MAU2: variants seen among roughly 807,000 people sequenced by gnomAD.
MAU2 encodes the protein MAU2 chromatid cohesion factor homolog.
MAU2 carries 9 observed loss-of-function variants against 89.1 expected under a neutral mutation model. That is an observed-to-expected ratio of 0.10 (90% CI 0.06 to 0.18). The LOEUF is 0.18. Ranked by LOEUF, MAU2 falls within the 10% of genes least tolerant of loss-of-function variation. The probability of loss-of-function intolerance (pLI) is 1.00; values close to 1 mark genes in which losing one functional copy is unlikely to be tolerated. For synonymous variants in MAU2, 357 were observed against 343.4 expected, an observed-to-expected ratio of 1.04 and a Z score of -0.44; for missense variants, 425 against 803.5, an observed-to-expected ratio of 0.53 and a Z score of 5.69.
chr19:19,325,310 G>T (rs1437801856), intron 1 of MAU2, among the ~76,000 whole-genome samples: 1 of 151,916 alleles, frequency 6.6e-6, no homozygotes, highest in Non-Finnish European at 1.5e-5. Context: ...CAAGCAGCTG[G>T]GATTACAGGC....
rs1279513106 is a variant in MAU2, at chr19:19,342,697, G to T, written c.882+16G>T. ...TGTCTACCTGGTGCGTCCCCACCAGGGCCCGGGCCAGGGCTGGGGGCGGGG... is the reference window on the plus strand; with the variant it reads ...TGTCTACCTGGTGCGTCCCCACCAGTGCCCGGGCCAGGGCTGGGGGCGGGG... On this transcript the variant is annotated intron_variant, in intron 8 of 18. Transcript: ENST00000262815. 6.2e-7 allele frequency: 1 copy of T among 1,612,020 alleles called. No homozygotes were observed. The highest frequency in any genetic ancestry group is 2.2e-5 in the East Asian group (1 of 44,768).
At position 19,345,059 on chromosome 19, in the gene MAU2, A is replaced by G; in HGVS notation, c.1155+133A>G. 1.2e-6 allele frequency: 1 copy of G among 847,516 alleles called. No homozygotes were observed. Among genetic ancestry groups the G allele is most frequent in the Non-Finnish European group, 1.9e-6 (1 of 525,976 alleles). The allele number at this position is 847,516 out of a possible 1,614,324, so 52.5% of individuals were successfully genotyped here. On this transcript the variant is annotated intron_variant, in intron 11 of 18. Coordinates refer to ENST00000262815, the MANE Select transcript of MAU2 (RefSeq NM_015329.4). This position sits in a 1 kb window ranked among gnomAD's most constrained non-coding sequence, Gnocchi z 4.9. Reference sequence around the variant, plus strand: ...TAATCAGAATCCGGAATGTTCCCATAGGTAATCATATAACCTTCCCAGGCA... The same window carrying G: ...TAATCAGAATCCGGAATGTTCCCATGGGTAATCATATAACCTTCCCAGGCA...
chr19:19,332,402 G>T (rs1030954362), intron 1 of MAU2, among the ~76,000 whole-genome samples: 1 of 150,892 alleles, frequency 6.6e-6, no homozygotes, highest in African/African-American at 2.4e-5. Flanking sequence ...ACAAAAAGAG[G>T]GGCTTTATCT....
In MAU2 at chr19:19,338,943, G is replaced by C. The variant is rs1466279144; in HGVS notation, c.551+4G>C. On this transcript the variant is annotated splice_donor_region_variant and intron_variant, in intron 5 of 18. Transcript: ENST00000262815. The stretch of plus-strand genomic sequence containing the variant: ...TGGTGGGATCTGAATACACACGGTA[G>C]GCACCCACTCCCCTCCTTCCCTCCT... The C allele has an allele frequency of 6.2e-7, 1 of 1,609,776 alleles. No individual in the cohort carries two copies. Among genetic ancestry groups the C allele is most frequent in the East Asian group, 2.2e-5 (1 of 44,798 alleles).
chr19:19,355,128 G>C, intron 17 of MAU2, 136 bp from the exon 18 acceptor site: 2 of 1,138,344 alleles, frequency 1.8e-6, no homozygotes, highest in Non-Finnish European at 2.5e-6. Flanking sequence ...CAGGGCTCAG[G>C]TCCAGTGACG....
chr19:19,338,733 C>A, intron 4 of MAU2, 112 bp from the exon 5 acceptor site: 1 of 699,962 alleles, frequency 1.4e-6, no homozygotes, highest in South Asian at 1.9e-5. Context: ...CTGACACAGG[C>A]AGTTTCACTG....
At chr19:19,333,630 C>A (rs139406155) in intron 1 of MAU2, among the ~76,000 whole-genome samples, 32 of 152,362 alleles carry the variant, frequency 2.1e-4, no homozygotes, top group African/African-American at 7.5e-4. Context: ...GAAGTCTACC[C>A]GCCACAGACA....
chr19:19,344,764 A>G, intron 10 of MAU2, 85 bp from the exon 11 acceptor site: 1 of 1,130,520 alleles, frequency 8.8e-7, no homozygotes, highest in Non-Finnish European at 1.3e-6. Flanking sequence ...GGGCTCACCC[A>G]CCAGCTATGG....
intron 1 of MAU2, among the ~76,000 whole-genome samples, chr19:19,334,984 G>C (rs78544258): frequency 8.1e-4 from 124 of 152,228 alleles, no homozygotes; most frequent in Non-Finnish European, 1.4e-3. Flanking sequence ...TGGGGACAGC[G>C]TTAGGCTTGT....
At chr19:19,338,240 C>T (rs758438157) in intron 4 of MAU2, among the ~76,000 whole-genome samples, 3 of 152,260 alleles carry the variant, frequency 2.0e-5, no homozygotes, top group Admixed American at 6.5e-5. Context: ...CTGTGTCCTT[C>T]CATCTCCCCA....
At chr19:19,330,772 G>T (rs1163847752) in intron 1 of MAU2, among the ~76,000 whole-genome samples, 1 of 151,868 alleles carries the variant, frequency 6.6e-6, no homozygotes, top group Non-Finnish European at 1.5e-5. Context: ...CTGGTGAGAT[G>T]CACCTGTAGT....
At chr19:19,340,966 A>G in intron 6 of MAU2, 93 bp downstream of exon 6, 1 of 1,539,480 alleles carries the variant, frequency 6.5e-7, no homozygotes, top group African/African-American at 1.4e-5. Context: ...CCCACTCTCC[A>G]TGGCATGGCC....
chr19:19,346,704 G>A (rs1253345801), intron 12 of MAU2, among the ~76,000 whole-genome samples: 1 of 152,186 alleles, frequency 6.6e-6, no homozygotes, highest in East Asian at 1.9e-4. Flanking sequence ...ACATAGATTG[G>A]ACCCTCTCTT....
chr19:19,341,874 C>G (rs998744483), intron 7 of MAU2, among the ~76,000 whole-genome samples: 3 of 152,140 alleles, frequency 2.0e-5, no homozygotes, highest in Non-Finnish European at 2.9e-5. Context: ...TGTTTGAGCT[C>G]CTTGTCTCTG....
chr19:19,335,495 C>G (rs1055868124), intron 1 of MAU2, among the ~76,000 whole-genome samples: 1 of 152,132 alleles, frequency 6.6e-6, no homozygotes, highest in African/African-American at 2.4e-5. Flanking sequence ...AAGGGCATGT[C>G]CCCTCCTGCC....
chr19:19,333,485 C>CA (rs1452616582), intron 1 of MAU2, among the ~76,000 whole-genome samples: 2 of 151,660 alleles, frequency 1.3e-5, no homozygotes, highest in African/African-American at 4.8e-5. Context: ...GACTGTGTCT[C>CA]AAAAAAAAGG....
chr19:19,340,775 TG>T, intron 5 of MAU2, 70 bp from the exon 6 acceptor site: 1 of 1,564,438 alleles, frequency 6.4e-7, no homozygotes, highest in Non-Finnish European at 8.7e-7. Context: ...CTGTGAGCCT[TG>T]GGGTAATCAC....
At chr19:19,337,356 C>T (rs1336408536) in intron 4 of MAU2, 91 bp downstream of exon 4, 10 of 1,001,848 alleles carry the variant, frequency 1.0e-5, no homozygotes, top group Middle Eastern at 2.9e-4. Flanking sequence ...GCAGAGTCCA[C>T]GATGCGCAGA....
intron 9 of MAU2, 64 bp from the exon 10 acceptor site, chr19:19,343,773 G>A: frequency 1.6e-6 from 2 of 1,265,050 alleles, no homozygotes; most frequent in South Asian, 1.2e-5. Context: ...TGGGGGCACG[G>A]TGGGCTGGGG....
Sources: allele counts gnomAD v4.1 joint callset (sites outside exome capture counted in the v4.1 genomes callset), GRCh38; gene constraint gnomAD v4.1.1; non-coding constraint Gnocchi (gnomAD v3.1); transcripts MANE v1.5; gene names NCBI Gene and HGNC (gene_info 2026-07-23, HGNC 2026-07-21).